Variants in ADAM22 observed in about 807,000 individuals in gnomAD.
ADAM22 encodes the protein disintegrin and metalloproteinase domain-containing protein 22.
Under a neutral mutation model 144.6 loss-of-function variants are expected in ADAM22, and 65 were observed. That is an observed-to-expected ratio of 0.45 (90% CI 0.37 to 0.55). The LOEUF (loss-of-function observed/expected upper bound fraction) is 0.55, where lower values mean the gene tolerates loss of function less well. Among genes scored for constraint, ADAM22 ranks in the 20% least tolerant of loss-of-function variants. The pLI is 0.00. For missense variants in ADAM22, 974 were observed against 1,184.9 expected, an observed-to-expected ratio of 0.82 and a Z score of 2.61; for synonymous variants, 391 against 412.6, an observed-to-expected ratio of 0.95 and a Z score of 0.63.
At chr7:88,009,568 T>TA (rs1794879943) in intron 3 of ADAM22, among the ~76,000 whole-genome samples, 1 of 151,836 alleles carries the variant, frequency 6.6e-6, no homozygotes, top group Non-Finnish European at 1.5e-5. Flanking sequence ...TAAAATAGTG[T>TA]ATTCAAACTT....
chr7:87,989,687 G>A (rs531895061), intron 3 of ADAM22, among the ~76,000 whole-genome samples: 22 of 152,290 alleles, frequency 1.4e-4, no homozygotes, highest in Admixed American at 9.2e-4. Flanking sequence ...AGGCCAAAGC[G>A]GCCAGATCGC....
At chr7:88,151,081 G>A in intron 19 of ADAM22, 50 bp downstream of exon 19, 1 of 1,576,564 alleles carries the variant, frequency 6.3e-7, no homozygotes, top group Non-Finnish European at 8.7e-7. Flanking sequence ...CAGCATGAAA[G>A]GAATACTGAA....
At chr7:88,064,067 AG>A (rs1810571334) in intron 3 of ADAM22, among the ~76,000 whole-genome samples, 1 of 152,176 alleles carries the variant, frequency 6.6e-6, no homozygotes, top group Admixed American at 6.5e-5. Flanking sequence ...GCTGTACAAC[AG>A]GCCTAGGGTG....
chr7:88,189,167 G>C (rs1399966108), intron 30 of ADAM22, among the ~76,000 whole-genome samples: 1 of 152,178 alleles, frequency 6.6e-6, no homozygotes, highest in Non-Finnish European at 1.5e-5. Context: ...TGGTTGCTCA[G>C]GTTGTCCTCT....
At chr7:88,051,418 G>A (rs1239078515) in intron 3 of ADAM22, among the ~76,000 whole-genome samples, 1 of 152,122 alleles carries the variant, frequency 6.6e-6, no homozygotes, top group African/African-American at 2.4e-5. Context: ...GGATGAAGCT[G>A]GAAACCATCA....
At chr7:87,974,338 GA>G (rs1368925207) in intron 2 of ADAM22, among the ~76,000 whole-genome samples, 1 of 150,810 alleles carries the variant, frequency 6.6e-6, no homozygotes, top group Non-Finnish European at 1.5e-5. Flanking sequence ...TAAAAGAAAA[GA>G]AGCACCATAT....
intron 2 of ADAM22, among the ~76,000 whole-genome samples, chr7:87,960,807 A>G (rs1449363037): frequency 6.6e-6 from 1 of 152,094 alleles, no homozygotes; most frequent in East Asian, 1.9e-4. Context: ...ACTAACACTA[A>G]TGCAGTTTGT....
At chr7:88,184,443 A>G (rs887513165) in intron 29 of ADAM22, 26 of 332,046 alleles carry the variant, frequency 7.8e-5, no homozygotes, top group African/African-American at 5.8e-4. Flanking sequence ...CTGCCACTTA[A>G]TCTCCTTACA....
At chr7:88,024,553 C>CT (rs112086702) in intron 3 of ADAM22, among the ~76,000 whole-genome samples, 4,670 of 151,834 alleles carry the variant, frequency 0.031, 252 homozygotes, top group African/African-American at 0.11. Flanking sequence ...ATTTTTCTTT[C>CT]TTTTTTTTAA....
chr7:88,120,055 A>G (rs1828868935), intron 7 of ADAM22, among the ~76,000 whole-genome samples: 5 of 152,074 alleles, frequency 3.3e-5, no homozygotes, highest in Admixed American at 3.3e-4. Context: ...CCCCATCTTG[A>G]GAGTTTTAAT....
chr7:88,052,233 C>T (rs1001525933), intron 3 of ADAM22, among the ~76,000 whole-genome samples: 2 of 151,524 alleles, frequency 1.3e-5, no homozygotes, highest in Admixed American at 1.3e-4. Flanking sequence ...CGCGGTGGCT[C>T]ACGCCTGTAA....
chr7:87,975,204 C>T (rs1426407872), intron 2 of ADAM22, among the ~76,000 whole-genome samples: 1 of 152,164 alleles, frequency 6.6e-6, no homozygotes, highest in Non-Finnish European at 1.5e-5. Flanking sequence ...CCTTAGACCT[C>T]CATCTTCCCT....
chr7:87,991,663 G>A (rs894657114), intron 3 of ADAM22, among the ~76,000 whole-genome samples: 1 of 152,166 alleles, frequency 6.6e-6, no homozygotes, highest in Non-Finnish European at 1.5e-5. Context: ...ACCGCGCCCG[G>A]CACTAGCCTT....
chr7:88,058,985 G>A (rs1215371624), intron 3 of ADAM22, among the ~76,000 whole-genome samples: 1 of 152,092 alleles, frequency 6.6e-6, no homozygotes, highest in East Asian at 1.9e-4. Context: ...CTGGATTGTG[G>A]GCATAGTCAG....
intron 3 of ADAM22, among the ~76,000 whole-genome samples, chr7:87,980,161 T>C (rs1375400306): frequency 2.0e-5 from 3 of 152,138 alleles, no homozygotes; most frequent in East Asian, 1.9e-4. Context: ...TTCTGAGATA[T>C]TGGCAGAAAC....
intron 4 of ADAM22, among the ~76,000 whole-genome samples, chr7:88,081,078 G>A (rs1217866937): frequency 6.6e-6 from 1 of 152,124 alleles, no homozygotes; most frequent in Non-Finnish European, 1.5e-5. Flanking sequence ...GAACATTGAT[G>A]CAAAAATCCT....
intron 3 of ADAM22, among the ~76,000 whole-genome samples, chr7:88,028,774 T>C (rs1375783820): frequency 6.6e-6 from 1 of 152,092 alleles, no homozygotes; most frequent in South Asian, 2.1e-4. Flanking sequence ...TTTGTCTCTT[T>C]TGTAGTGTTT....
intron 4 of ADAM22, among the ~76,000 whole-genome samples, chr7:88,097,207 A>AC (rs1821600858): frequency 1.4e-5 from 2 of 146,104 alleles, no homozygotes; most frequent in African/African-American, 5.1e-5. Flanking sequence ...GCTGGAGTAC[A>AC]GTGGCACCAT....
intron 3 of ADAM22, among the ~76,000 whole-genome samples, chr7:88,009,448 G>A (rs1222717030): frequency 1.3e-5 from 2 of 151,928 alleles, no homozygotes; most frequent in African/African-American, 4.8e-5. Flanking sequence ...TATTTTAGTT[G>A]TTTAATGAAT....
Sources: gnomAD v4.1 joint callset for allele counts (sites outside exome capture counted in the v4.1 genomes callset) on GRCh38, gnomAD v4.1.1 for gene constraint, MANE v1.5 for transcripts, NCBI Gene and HGNC (gene_info 2026-07-23, HGNC 2026-07-21) for gene names.